The following KPNA4 variants were observed in gnomAD, a reference collection of about 807,000 sequenced individuals.
KPNA4 encodes karyopherin subunit alpha 4.
Under a neutral mutation model 71.3 loss-of-function variants are expected in KPNA4, and 13 were observed. The observed-to-expected ratio is 0.18, with a 90% CI of 0.12 to 0.29. The LOEUF is 0.29. Among genes scored for constraint, KPNA4 ranks in the 10% least tolerant of loss-of-function variants. The pLI is 1.00. For missense variants in KPNA4, 334 were observed against 603.2 expected (o/e 0.55, Z 4.67); for synonymous variants, 189 against 195.2 (o/e 0.97, Z 0.26).
At chr3:160,548,779 G>A (rs890620832) in intron 1 of KPNA4, among the ~76,000 whole-genome samples, 3 of 152,028 alleles carry the variant, frequency 2.0e-5, no homozygotes, top group Admixed American at 6.6e-5. Flanking sequence ...CTTAGTTCCC[G>A]CTTTCAATTC....
At chr3:160,518,199 C>T (rs1721267679) in intron 11 of KPNA4, among the ~76,000 whole-genome samples, 1 of 150,942 alleles carries the variant, frequency 6.6e-6, no homozygotes, top group African/African-American at 2.4e-5. Flanking sequence ...GCGATCTCGG[C>T]TCACTGCAAG....
At chr3:160,549,081 C>T (rs904263286) in intron 1 of KPNA4, among the ~76,000 whole-genome samples, 5 of 152,144 alleles carry the variant, frequency 3.3e-5, no homozygotes, top group African/African-American at 1.2e-4. Flanking sequence ...TTTTGTTTAT[C>T]CTCCTTAGAG....
rs1433114667 is a variant in KPNA4, at chr3:160,495,435, TTC to T, written c.*6667_*6668del. 6.6e-6 allele frequency: 1 copy of T among 152,162 alleles called. No individual in the cohort carries two copies. Among genetic ancestry groups the T allele is most frequent in the Non-Finnish European group, 1.5e-5 (1 of 68,028 alleles). 9.4% of individuals were successfully genotyped at this position (152,162 alleles called of 1,614,324 possible). On this transcript the variant is annotated 3_prime_UTR_variant, in exon 17 of 17. Transcript: ENST00000334256. ...GATAATGGGTAAAAACTTTTTAGTA[TTC>T]TTTTAGTACTTCTGTTTCTGAATTA...
intron 11 of KPNA4, 108 bp from the exon 12 acceptor site, chr3:160,515,688 C>T: frequency 8.1e-7 from 1 of 1,229,814 alleles, no homozygotes; most frequent in Non-Finnish European, 1.1e-6. Context: ...GATCTCAGCT[C>T]ACTGTAACCT....
At chr3:160,551,506 T>C (rs1722039475) in intron 1 of KPNA4, among the ~76,000 whole-genome samples, 1 of 152,112 alleles carries the variant, frequency 6.6e-6, no homozygotes, top group African/African-American at 2.4e-5. Context: ...TAGAAGGTGT[T>C]TCCAGGAGAG....
At position 160,502,078 on chromosome 3, in the gene KPNA4, T is replaced by C; in HGVS notation, c.*26A>G. 1.8e-6 allele frequency: 2 copies of C among 1,101,554 alleles called. No homozygotes were observed. Among genetic ancestry groups the C allele is most frequent in the East Asian group, 2.4e-5 (1 of 41,230 alleles). 68.2% of individuals were successfully genotyped at this position (1,101,554 alleles called of 1,614,324 possible). ...TATATATATATATCTCAGTGCTGCA[T>C]TGTACCTAACTTCCACAACATCTTT... On this transcript the variant is annotated 3_prime_UTR_variant, in exon 17 of 17. Coordinates refer to ENST00000334256, the MANE Select transcript of KPNA4 (RefSeq NM_002268.5).
intron 11 of KPNA4, among the ~76,000 whole-genome samples, chr3:160,516,848 T>C (rs557638321): frequency 6.6e-6 from 1 of 152,228 alleles, no homozygotes; most frequent in South Asian, 2.1e-4. Flanking sequence ...CACTATGGTA[T>C]GAATTTGAAT....
chr3:160,504,175 T>TA (rs1273841751), intron 16 of KPNA4, among the ~76,000 whole-genome samples: 2 of 152,362 alleles, frequency 1.3e-5, no homozygotes, highest in East Asian at 3.9e-4. Context: ...TGTAAGTAAA[T>TA]AGTCTATAAT....
chr3:160,512,331 C>G (rs1419451474), intron 13 of KPNA4, among the ~76,000 whole-genome samples: 1 of 151,980 alleles, frequency 6.6e-6, no homozygotes, highest in Non-Finnish European at 1.5e-5. Context: ...TCCTGTTGGT[C>G]AGGAACAAAC....
intron 11 of KPNA4, 54 bp downstream of exon 11, chr3:160,521,725 C>T: frequency 6.5e-7 from 1 of 1,533,168 alleles, no homozygotes; most frequent in East Asian, 2.3e-5. Flanking sequence ...GAATGCCATG[C>T]TTAAAGCAAT....
At chr3:160,526,955 T>C (rs1268544576) in intron 8 of KPNA4, among the ~76,000 whole-genome samples, 2 of 152,170 alleles carry the variant, frequency 1.3e-5, no homozygotes, top group Non-Finnish European at 2.9e-5. Flanking sequence ...AACAATAGCA[T>C]TCCTAATAGT....
chr3:160,518,664 A>G lies in KPNA4; in HGVS notation c.904-3084T>C, dbSNP rs1210869182. On this transcript the variant is annotated intron_variant, in intron 11 of 16. Transcript: ENST00000334256. ...CACCTGAGGTCAGGAGTTCGAGACCAGCCTGGCCAACACGGTGAAACCCTA... is the reference window on the plus strand; with the variant it reads ...CACCTGAGGTCAGGAGTTCGAGACCGGCCTGGCCAACACGGTGAAACCCTA... Among the ~76,000 whole-genome samples, 41 of 151,602 alleles carry G rather than the reference A, an allele frequency of 2.7e-4. 1 individual carries two copies. Among genetic ancestry groups the G allele is most frequent in the Non-Finnish European group, 2.7e-4 (18 of 67,882 alleles).
In KPNA4 at chr3:160,500,056, CTTA is replaced by C. The variant is rs1202946726; in HGVS notation, c.*2045_*2047del. 1 of 149,674 alleles carries C rather than the reference CTTA, an allele frequency of 6.7e-6. No individual in the cohort carries two copies. Among genetic ancestry groups the C allele is most frequent in the Non-Finnish European group, 1.5e-5 (1 of 67,168 alleles). The allele number at this position is 149,674 out of a possible 1,614,324, so 9.3% of individuals were successfully genotyped here. A position where few individuals can be genotyped will look rare whatever the true frequency, so the allele number is the denominator to read the frequency against. On this transcript the variant is annotated 3_prime_UTR_variant, in exon 17 of 17. Transcript: ENST00000334256. ...TGAAATGACAGAACCAAAGAAATTTCTTATTATGCTGGTTCTAGGTAAAAAGAC... is the reference window on the plus strand; with the variant it reads ...TGAAATGACAGAACCAAAGAAATTTCTTATGCTGGTTCTAGGTAAAAAGAC...
At chr3:160,531,128 C>T (rs561807377) in intron 6 of KPNA4, among the ~76,000 whole-genome samples, 188 bp from the exon 7 acceptor site, 5 of 152,124 alleles carry the variant, frequency 3.3e-5, no homozygotes. Flanking sequence ...AAGCATACAA[C>T]CTCCTCCAGC....
chr3:160,514,198 T>C lies in KPNA4; in HGVS notation c.1033-17A>G. On this transcript the variant is annotated splice_polypyrimidine_tract_variant and intron_variant, in intron 12 of 16. Coordinates refer to ENST00000334256, the MANE Select transcript of KPNA4 (RefSeq NM_002268.5). ...CACTGCTTCCTGTAGAACAAGAGCA[T>C]TTGAATATTTCTCATTAAAAAATAA... 1.3e-6 allele frequency: 2 copies of C among 1,548,352 alleles called. No individual in the cohort carries two copies. Among genetic ancestry groups the C allele is most frequent in the Admixed American group, 2.0e-5 (1 of 49,584 alleles).
chr3:160,513,994 A>G (rs563796837), intron 13 of KPNA4, 83 bp downstream of exon 13: 7 of 724,602 alleles, frequency 9.7e-6, no homozygotes, highest in East Asian at 3.3e-5. Flanking sequence ...TTAAGCAGAA[A>G]GTATAAATTC....
chr3:160,535,919 A>AC (rs779310864), intron 2 of KPNA4, 22 bp from the exon 3 acceptor site: 24 of 1,103,790 alleles, frequency 2.2e-5, no homozygotes, highest in Non-Finnish European at 2.7e-5. Context: ...AAAAAAAAAA[A>AC]AAAAAACCAA....
Position 160,509,871 on chromosome 3 carries a change from C to T in KPNA4, c.1138G>A (p.Gly380Arg). 1 of 1,610,054 alleles carries T rather than the reference C, an allele frequency of 6.2e-7. No homozygotes were observed. Among genetic ancestry groups the T allele is most frequent in the Non-Finnish European group, 8.5e-7 (1 of 1,176,918 alleles). The change falls in exon 14 of 17, where the codon GGG (glycine) becomes AGG (arginine). Residue 380 changes from glycine (G) to arginine (R), a missense_variant and splice_region_variant. By Grantham distance (125) the Gly-to-Arg change is moderately radical. Coordinates refer to ENST00000334256, the MANE Select transcript of KPNA4 (RefSeq NM_002268.5). ...GCTTCTTTTTGAGTGCCAAAATCCCCCTGTAAAAAGGCAAAACAAAGGCTA... is the reference window on the plus strand; with the variant it reads ...GCTTCTTTTTGAGTGCCAAAATCCCTCTGTAAAAAGGCAAAACAAAGGCTA... Reference protein sequence around the residue: ...VPMIIHLLDKGDFGTQKEAAW... With the variant: ...VPMIIHLLDKRDFGTQKEAAW...
At chr3:160,517,010 G>A (rs761608379) in intron 11 of KPNA4, among the ~76,000 whole-genome samples, 2 of 151,840 alleles carry the variant, frequency 1.3e-5, no homozygotes, top group Non-Finnish European at 2.9e-5. Flanking sequence ...CTTTCAAAGT[G>A]TACAATTCAG....
Sources: allele counts gnomAD v4.1 joint callset (sites outside exome capture counted in the v4.1 genomes callset), GRCh38; gene constraint gnomAD v4.1.1; transcripts MANE v1.5; gene names NCBI Gene and HGNC (gene_info 2026-07-23, HGNC 2026-07-21).